The following PHF21A variants were observed in gnomAD, a reference collection of about 807,000 sequenced individuals.
PHF21A encodes PHD finger protein 21A.
A neutral mutation model predicts 82.5 loss-of-function variants in PHF21A; 11 were observed. The ratio of observed to expected loss-of-function variants is 0.13; its 90% CI spans 0.08 to 0.22. The LOEUF is 0.22. Among genes scored for constraint, PHF21A ranks in the 10% least tolerant of loss-of-function variants. The pLI is 1.00. For synonymous variants in PHF21A, 297 were observed against 302.8 expected, an observed-to-expected ratio of 0.98 and a Z score of 0.20; for missense variants, 579 against 837.8, an observed-to-expected ratio of 0.69 and a Z score of 3.81.
chr11:45,999,395 T>C (rs1217223314), intron 6 of PHF21A, among the ~76,000 whole-genome samples: 1 of 152,212 alleles, frequency 6.6e-6, no homozygotes, highest in African/African-American at 2.4e-5. Flanking sequence ...TGGTTGATTA[T>C]AGGTCTCTAA....
chr11:46,089,939 G>A (rs771785246), intron 3 of PHF21A, among the ~76,000 whole-genome samples: 2 of 151,928 alleles, frequency 1.3e-5, no homozygotes, highest in African/African-American at 2.4e-5. Context: ...ACAAGTCTGT[G>A]TAGTGTCCTG....
intron 6 of PHF21A, among the ~76,000 whole-genome samples, chr11:46,043,268 C>T (rs1419771661): frequency 6.6e-6 from 1 of 152,056 alleles, no homozygotes; most frequent in Non-Finnish European, 1.5e-5. Flanking sequence ...GGACTTCTTT[C>T]GAAAGTTATC....
At chr11:45,971,890 C>CTTTCTTTTTTTTTTTTTTTTTTTTTTTT (rs57081937) in intron 7 of PHF21A, among the ~76,000 whole-genome samples, 824 of 50,248 alleles carry the variant, frequency 0.016, 289 homozygotes, top group Non-Finnish European at 0.023. Context: ...CTTTTTCTTT[C>CTTTCTTTTTTTTTTTTTTTTTTTTTTTT]TTTTTTTTTT....
At chr11:46,093,841 G>C (rs1335395642) in intron 1 of PHF21A, among the ~76,000 whole-genome samples, 1 of 152,134 alleles carries the variant, frequency 6.6e-6, no homozygotes, top group Non-Finnish European at 1.5e-5. Flanking sequence ...ATTTCCAGCA[G>C]CATTATTTGT....
At chr11:46,101,669 G>T (rs2097096968) in intron 1 of PHF21A, among the ~76,000 whole-genome samples, 1 of 152,086 alleles carries the variant, frequency 6.6e-6, no homozygotes, top group Non-Finnish European at 1.5e-5. Context: ...GTCTCGCTTT[G>T]TTGCCCAGGC....
At chr11:46,046,531 C>T (rs2096259744) in intron 6 of PHF21A, among the ~76,000 whole-genome samples, 1 of 152,166 alleles carries the variant, frequency 6.6e-6, no homozygotes, top group East Asian at 1.9e-4. Flanking sequence ...TTGGGTCAGG[C>T]TTCACTCTGC....
intron 6 of PHF21A, among the ~76,000 whole-genome samples, chr11:46,033,817 C>A (rs2095921406): frequency 6.6e-6 from 1 of 152,134 alleles, no homozygotes; most frequent in South Asian, 2.1e-4. Context: ...TGCTAGAAAT[C>A]TTTTAATTAC....
chr11:45,997,108 G>A (rs2094934713), intron 6 of PHF21A, among the ~76,000 whole-genome samples: 1 of 152,200 alleles, frequency 6.6e-6, no homozygotes, highest in Non-Finnish European at 1.5e-5. Flanking sequence ...TTCTGAAAGT[G>A]TTTGGCGGAG....
intron 1 of PHF21A, among the ~76,000 whole-genome samples, chr11:46,106,330 C>T (rs993370658): frequency 6.6e-6 from 1 of 152,180 alleles, no homozygotes; most frequent in Non-Finnish European, 1.5e-5. Context: ...GGGGAACCAT[C>T]AGCTTAAAAC....
At chr11:46,051,579 G>C (rs748690004) in intron 6 of PHF21A, among the ~76,000 whole-genome samples, 11 of 152,100 alleles carry the variant, frequency 7.2e-5, no homozygotes, top group Admixed American at 3.3e-4. Flanking sequence ...GAAACACAAA[G>C]CTTCTTGTCT....
chr11:45,995,578 A>G (rs960189476), intron 6 of PHF21A, among the ~76,000 whole-genome samples: 1 of 152,172 alleles, frequency 6.6e-6, no homozygotes, highest in Non-Finnish European at 1.5e-5. Context: ...TTTTCTTTAT[A>G]ATTACACTCC....
rs565925317 is a variant in PHF21A at position 45,986,550 on chromosome 11, G to T, written c.154-6584C>A. On this transcript the variant is annotated intron_variant, in intron 6 of 18. Transcript: ENST00000676320. ...AATCGAACAATGCATACTAGGAATG[G>T]TAGTTGTAATATATTTATGTGTGAT... Among the ~76,000 whole-genome samples the T allele has an allele frequency of 1.7e-4, 26 of 152,282 alleles. No individual in the cohort carries two copies. In the South Asian group the frequency reaches 5.4e-3, roughly 32 times the overall value.
chr11:46,091,571 A>C (rs2135461637), intron 2 of PHF21A, among the ~76,000 whole-genome samples: 1 of 152,344 alleles, frequency 6.6e-6, no homozygotes, highest in East Asian at 1.9e-4. Context: ...AACTAATCCA[A>C]TATTAATTTT....
chr11:45,945,720 G>T, intron 15 of PHF21A, 120 bp downstream of exon 15: 1 of 811,274 alleles, frequency 1.2e-6, no homozygotes, highest in Non-Finnish European at 1.9e-6. Flanking sequence ...ATTCTATAGT[G>T]TTTAATTGCT....
intron 18 of PHF21A, chr11:45,935,050 A>T: frequency 8.5e-7 from 1 of 1,171,896 alleles, no homozygotes; most frequent in Non-Finnish European, 1.1e-6. Flanking sequence ...TGCCTGGGAG[A>T]AGCCTCTGTC....
chr11:46,107,025 C>T (rs764486568), intron 1 of PHF21A, among the ~76,000 whole-genome samples: 28 of 152,202 alleles, frequency 1.8e-4, no homozygotes, highest in Non-Finnish European at 7.3e-5. Flanking sequence ...CCCACGGCTG[C>T]CTCTTCTGCA....
chr11:45,994,077 T>C (rs892886760), intron 6 of PHF21A, among the ~76,000 whole-genome samples: 4 of 152,150 alleles, frequency 2.6e-5, no homozygotes, highest in African/African-American at 7.2e-5. Flanking sequence ...AAGAATGATA[T>C]ACTTCCTCGT....
At chr11:45,935,105 G>A in intron 18 of PHF21A, 1 of 1,288,692 alleles carries the variant, frequency 7.8e-7, no homozygotes, top group South Asian at 1.2e-5. Context: ...GACAGGCCGG[G>A]CTGGGCAGTA....
intron 6 of PHF21A, among the ~76,000 whole-genome samples, chr11:46,036,248 A>C (rs369529792): frequency 6.6e-6 from 1 of 152,348 alleles, no homozygotes; most frequent in South Asian, 2.1e-4. Context: ...ATTTACAGTC[A>C]TAAGTAACAT....
Sources: gnomAD v4.1 joint callset for allele counts (sites outside exome capture counted in the v4.1 genomes callset) on GRCh38, gnomAD v4.1.1 for gene constraint, MANE v1.5 for transcripts, NCBI Gene and HGNC (gene_info 2026-07-23, HGNC 2026-07-21) for gene names.